The following NR3C2 variants were observed in gnomAD, a reference collection of about 807,000 sequenced individuals.
The protein encoded by NR3C2 is mineralocorticoid receptor.
In NR3C2, 15 loss-of-function variants were observed where a neutral mutation model predicts 86.4. That is an observed-to-expected ratio of 0.17 (90% CI 0.12 to 0.27). The LOEUF (loss-of-function observed/expected upper bound fraction) is 0.27. Among genes scored for constraint, NR3C2 ranks in the 10% least tolerant of loss-of-function variants. The pLI, the probability that NR3C2 is intolerant of heterozygous loss-of-function variation, is 1.00. For missense variants in NR3C2, 960 were observed against 1,195.6 expected, an observed-to-expected ratio of 0.80 and a Z score of 2.91; for synonymous variants, 458 against 450.5, an observed-to-expected ratio of 1.02 and a Z score of -0.21.
intron 4 of NR3C2, among the ~76,000 whole-genome samples, chr4:148,190,031 A>G (rs1277950631): frequency 6.6e-6 from 1 of 151,976 alleles, no homozygotes; most frequent in Non-Finnish European, 1.5e-5. Context: ...GTTTGTTTCA[A>G]TTTCATTTAG....
intron 2 of NR3C2, among the ~76,000 whole-genome samples, chr4:148,268,886 C>T (rs1740527785): frequency 6.6e-6 from 1 of 151,000 alleles, no homozygotes; most frequent in African/African-American, 2.4e-5. Flanking sequence ...AATTAAGTGA[C>T]TGATTACAAC....
At chr4:148,413,503 A>T (rs1748819163) in intron 2 of NR3C2, among the ~76,000 whole-genome samples, 1 of 152,078 alleles carries the variant, frequency 6.6e-6, no homozygotes, top group African/African-American at 2.4e-5. Context: ...TGACATCAAA[A>T]TTTAAAGCAT....
chr4:148,359,497 T>C (rs1405837803), intron 2 of NR3C2, among the ~76,000 whole-genome samples: 1 of 152,188 alleles, frequency 6.6e-6, no homozygotes, highest in Non-Finnish European at 1.5e-5. Flanking sequence ...ATGGCAGATA[T>C]ATCTACGAAA....
At chr4:148,185,423 G>C (rs1735844903) in intron 4 of NR3C2, among the ~76,000 whole-genome samples, 1 of 152,194 alleles carries the variant, frequency 6.6e-6, no homozygotes, top group Non-Finnish European at 1.5e-5. Flanking sequence ...AGGAAGTCCT[G>C]TTTACTCCCT....
intron 2 of NR3C2, among the ~76,000 whole-genome samples, chr4:148,302,073 AT>A (rs1256052798): frequency 6.6e-6 from 1 of 152,206 alleles, no homozygotes; most frequent in Admixed American, 6.5e-5. Context: ...TACCATAGAC[AT>A]TTTGTTATTC....
At chr4:148,443,929 C>A (rs1472663477), upstream of NR3C2, 1 of 923,724 alleles carries the variant, frequency 1.1e-6, no homozygotes, top group East Asian at 1.2e-4. Flanking sequence ...ATAGGGGCGA[C>A]AGCGGCAGCG....
At chr4:148,432,693 CAT>C (rs751062037) in intron 2 of NR3C2, among the ~76,000 whole-genome samples, 1 of 152,082 alleles carries the variant, frequency 6.6e-6, no homozygotes, top group African/African-American at 2.4e-5. Context: ...GAGTTATCAT[CAT>C]ATTTTAAGAA....
intron 2 of NR3C2, among the ~76,000 whole-genome samples, chr4:148,279,779 G>A (rs1356080938): frequency 1.3e-5 from 2 of 152,134 alleles, no homozygotes; most frequent in Non-Finnish European, 2.9e-5. Context: ...AGGCTGGAGT[G>A]CAATGGCGTG....
At chr4:148,260,787 G>T (rs914510952) in intron 2 of NR3C2, among the ~76,000 whole-genome samples, 1 of 152,122 alleles carries the variant, frequency 6.6e-6, no homozygotes, top group African/African-American at 2.4e-5. Context: ...GAAACTGAAG[G>T]GCTCTCTGGG....
At chr4:148,092,762 C>T (rs902462518) in intron 8 of NR3C2, among the ~76,000 whole-genome samples, 2 of 152,158 alleles carry the variant, frequency 1.3e-5, no homozygotes, top group Non-Finnish European at 2.9e-5. Flanking sequence ...TGACTCCATC[C>T]GCGTGCCATG....
chr4:148,205,678 T>A (rs1736967178), intron 3 of NR3C2, among the ~76,000 whole-genome samples: 1 of 151,982 alleles, frequency 6.6e-6, no homozygotes, highest in Non-Finnish European at 1.5e-5. Context: ...TGTGGGAGAG[T>A]GGCTCCTAAG....
At chr4:148,418,946 T>A (rs2126597680) in intron 2 of NR3C2, among the ~76,000 whole-genome samples, 1 of 152,290 alleles carries the variant, frequency 6.6e-6, no homozygotes, top group East Asian at 1.9e-4. Context: ...TTACCAAGAT[T>A]ACTCTGACTC....
chr4:148,206,188 A>G (rs755590088), intron 3 of NR3C2, among the ~76,000 whole-genome samples: 56 of 152,198 alleles, frequency 3.7e-4, no homozygotes, highest in Non-Finnish European at 1.5e-4. Context: ...ATTGGGAGAT[A>G]TAATTCCAAT....
intron 6 of NR3C2, among the ~76,000 whole-genome samples, chr4:148,125,790 A>G (rs981536008): frequency 2.0e-5 from 3 of 152,210 alleles, no homozygotes; most frequent in Non-Finnish European, 4.4e-5. Flanking sequence ...GAGAGAAGGA[A>G]AGGAAAAAAG....
intron 2 of NR3C2, among the ~76,000 whole-genome samples, chr4:148,330,128 T>C (rs958694824): frequency 2.6e-5 from 4 of 152,322 alleles, no homozygotes; most frequent in African/African-American, 9.6e-5. Flanking sequence ...TTGGTGTTAA[T>C]GCAAGTAGAA....
chr4:148,222,590 A>G (rs1737915683), intron 3 of NR3C2, among the ~76,000 whole-genome samples: 3 of 152,248 alleles, frequency 2.0e-5, no homozygotes, highest in Admixed American at 2.0e-4. Context: ...ATTTATTATT[A>G]ACAACTGAAT....
chr4:148,366,480 T>TGTTAAAAAAGAATA, intron 2 of NR3C2, among the ~76,000 whole-genome samples: 1 of 19,360 alleles, frequency 5.2e-5, no homozygotes, highest in African/African-American at 2.2e-4. Context: ...TAAAAAGTAC[T>TGTTAAAAAAGAATA]CAGCACTTTT....
chr4:148,389,168 C>A (rs1040604473), intron 2 of NR3C2, among the ~76,000 whole-genome samples: 1 of 152,182 alleles, frequency 6.6e-6, no homozygotes. Flanking sequence ...AGCTACACAA[C>A]CAGGTTTTTT....
chr4:148,288,779 A>G (rs1741655434), intron 2 of NR3C2, among the ~76,000 whole-genome samples: 1 of 152,166 alleles, frequency 6.6e-6, no homozygotes. Context: ...CAGGCATGGA[A>G]AAACAGTCAC....
Sources: allele counts gnomAD v4.1 joint callset (sites outside exome capture counted in the v4.1 genomes callset), GRCh38; gene constraint gnomAD v4.1.1; transcripts MANE v1.5; gene names NCBI Gene and HGNC (gene_info 2026-07-23, HGNC 2026-07-21).